The following DCTN2 variants were observed in gnomAD, a reference collection of about 807,000 sequenced individuals.
DCTN2 encodes the protein dynactin subunit 2.
Under a neutral mutation model 55.4 loss-of-function variants are expected in DCTN2, and 18 were observed. The observed-to-expected ratio is 0.32, with a 90% CI of 0.22 to 0.48. The LOEUF is 0.48. DCTN2 is among the 20% of genes least tolerant of loss of function. The pLI, the probability that DCTN2 is intolerant of heterozygous loss-of-function variation, is 0.99. For synonymous variants in DCTN2, 168 were observed against 185.2 expected (o/e 0.91, Z 0.76); for missense variants, 390 against 491.0 (o/e 0.79, Z 1.94).
intron 13 of DCTN2, 108 bp downstream of exon 13, chr12:57,531,907 G>C (rs2140114786): frequency 2.0e-6 from 3 of 1,495,220 alleles, no homozygotes; most frequent in African/African-American, 2.8e-5. Context: ...CCAACCCCCT[G>C]CCACAACACC....
chr12:57,532,563 C>T lies in DCTN2; in HGVS notation c.924+9G>A. The T allele has an allele frequency of 6.2e-7, 1 of 1,613,932 alleles. No homozygotes were observed. Among genetic ancestry groups the T allele is most frequent in the Non-Finnish European group, 8.5e-7 (1 of 1,179,858 alleles). Reference sequence around the variant, plus strand: ...AGTGGAAAGGAGATGGGGAAGGTGTCTTCCTGACCTTGCTTTGTGTATCTG... The same window carrying T: ...AGTGGAAAGGAGATGGGGAAGGTGTTTTCCTGACCTTGCTTTGTGTATCTG... On this transcript the variant is annotated intron_variant, in intron 11 of 13. Coordinates refer to ENST00000548249, the MANE Select transcript of DCTN2 (RefSeq NM_001261413.2).
At position 57,543,913 on chromosome 12, in the gene DCTN2, G is replaced by C. The variant is rs1271383472; in HGVS notation, c.105+2115C>G. The stretch of plus-strand genomic sequence containing the variant: ...AATAGGCTGTTCAGGCTCTGGGGGA[G>C]AAACAGCCAATCAGAGCTGCACAGT... On this transcript the variant is annotated intron_variant, in intron 2 of 13. Coordinates refer to ENST00000548249, the MANE Select transcript of DCTN2 (RefSeq NM_001261413.2). 7 of 961,260 alleles carry C rather than the reference G, an allele frequency of 7.3e-6. No individual in the cohort carries two copies. The East Asian group carries it at 4.2e-4, about 58-fold the overall frequency. The allele number at this position is 961,260 out of a possible 1,614,324, so 59.5% of individuals were successfully genotyped here.
Position 57,537,560 on chromosome 12 carries a change from T to G in DCTN2, c.106-1715A>C, listed in dbSNP as rs144669046. On this transcript the variant is annotated intron_variant, in intron 2 of 13. Coordinates refer to ENST00000548249, the MANE Select transcript of DCTN2 (RefSeq NM_001261413.2). ...GAAAGAAAAGCAGATAGAAGGAAGC[T>G]CCTTCCTTCATCTCTGCTCTGCTAT... Among the ~76,000 whole-genome samples, 13 of 151,890 alleles carry G rather than the reference T, an allele frequency of 8.6e-5. No individual in the cohort carries two copies. The East Asian group carries it at 2.5e-3, about 29-fold the overall frequency.
At chr12:57,533,696 G>A (rs529489565) in intron 7 of DCTN2, among the ~76,000 whole-genome samples, 3 of 151,854 alleles carry the variant, frequency 2.0e-5, no homozygotes, top group East Asian at 1.9e-4. Context: ...GCGTGAACCC[G>A]GGAGGCGGAG....
At chr12:57,534,588 A>G in intron 5 of DCTN2, 136 bp from the exon 6 acceptor site, 2 of 794,686 alleles carry the variant, frequency 2.5e-6, no homozygotes, top group Non-Finnish European at 3.9e-6. Flanking sequence ...GCCCACCTGT[A>G]TGTAGCACTG....
Position 57,532,965 on chromosome 12 carries a change from C to G in DCTN2, c.774+19G>C. 1 of 1,600,422 alleles carries G rather than the reference C, an allele frequency of 6.2e-7. No homozygotes were observed. Among genetic ancestry groups the G allele is most frequent in the Non-Finnish European group, 8.5e-7 (1 of 1,173,660 alleles). The stretch of plus-strand genomic sequence containing the variant: ...TATCCCCTCTGTGATCCAAACACTC[C>G]AGTTTCTTCCAAACTCACCATGAGA... On this transcript the variant is annotated intron_variant, in intron 9 of 13. Coordinates refer to ENST00000548249, the MANE Select transcript of DCTN2 (RefSeq NM_001261413.2).
intron 1 of DCTN2, 42 bp downstream of exon 1, chr12:57,546,985 CG>C: frequency 4.7e-6 from 6 of 1,265,470 alleles, no homozygotes; most frequent in South Asian, 7.2e-5. Flanking sequence ...CTTGGGAGGT[CG>C]GGGGCGCGGT....
At chr12:57,535,617 A>G in intron 3 of DCTN2, 72 bp from the exon 4 acceptor site, 1 of 1,563,782 alleles carries the variant, frequency 6.4e-7, no homozygotes, top group Non-Finnish European at 8.8e-7. Flanking sequence ...GGTGACTGTG[A>G]GGGCTTCCAT....
chr12:57,537,152 A>G (rs536833677), intron 2 of DCTN2, among the ~76,000 whole-genome samples: 1 of 151,312 alleles, frequency 6.6e-6, no homozygotes, highest in South Asian at 2.1e-4. Flanking sequence ...CCTGGGCAAC[A>G]TAGGGAAACC....
At chr12:57,536,743 T>C (rs892675339) in intron 2 of DCTN2, among the ~76,000 whole-genome samples, 1 of 152,046 alleles carries the variant, frequency 6.6e-6, no homozygotes, top group Non-Finnish European at 1.5e-5. Context: ...ATCTACATGC[T>C]GTTCAGATTC....
chr12:57,531,885 G>A, intron 13 of DCTN2, 130 bp downstream of exon 13: 1 of 1,306,328 alleles, frequency 7.7e-7, no homozygotes. Flanking sequence ...AAAGCAGGAT[G>A]GAGACTCCAG....
chr12:57,536,302 CCACTAA>C (rs1233454358), intron 2 of DCTN2, among the ~76,000 whole-genome samples: 2 of 152,208 alleles, frequency 1.3e-5, no homozygotes, highest in Non-Finnish European at 2.9e-5. Context: ...GATAATCAGG[CCACTAA>C]CACTGAGTGT....
intron 7 of DCTN2, 67 bp from the exon 8 acceptor site, chr12:57,533,370 C>A (rs1879920409): frequency 2.8e-6 from 4 of 1,426,910 alleles, no homozygotes; most frequent in Non-Finnish European, 4.0e-6. Flanking sequence ...GGAATACGAT[C>A]CTGCTCTACT....
chr12:57,530,170 T>G lies in DCTN2; in HGVS notation c.*519A>C, dbSNP rs1879512070. On this transcript the variant is annotated 3_prime_UTR_variant, in exon 14 of 14. Transcript: ENST00000548249. ...TCTGGCTCTGGCTCTGTACTCATTT[T>G]TTATTTAGTTCTTTGGTAAGAACAG... is the stretch of plus-strand genomic sequence containing the variant. 1 of 152,560 alleles carries G rather than the reference T, an allele frequency of 6.6e-6. No homozygotes were observed. The highest frequency in any genetic ancestry group is 1.5e-5 in the Non-Finnish European group (1 of 68,130). 9.5% of individuals were successfully genotyped at this position (152,560 alleles called of 1,614,324 possible). A position where few individuals can be genotyped will look rare whatever the true frequency, so the allele number is the denominator to read the frequency against.
At position 57,533,946 on chromosome 12, in the gene DCTN2, C is replaced by T. The variant is rs1256824830; in HGVS notation, c.669+7G>A. 6.2e-7 allele frequency: 1 copy of T among 1,603,676 alleles called. No homozygotes were observed. Among genetic ancestry groups the T allele is most frequent in the Non-Finnish European group, 8.5e-7 (1 of 1,174,784 alleles). ...GGCTTCCCAACCAACACTGTATCCA[C>T]ACTTACTTTGGCAGCTTGAGAGAAC... On this transcript the variant is annotated splice_region_variant and intron_variant, in intron 7 of 13. Coordinates refer to ENST00000548249, the MANE Select transcript of DCTN2 (RefSeq NM_001261413.2).
At chr12:57,540,426 C>T (rs1880602850) in intron 2 of DCTN2, among the ~76,000 whole-genome samples, 1 of 152,202 alleles carries the variant, frequency 6.6e-6, no homozygotes, top group South Asian at 2.1e-4. Context: ...GGCATGATTC[C>T]TGCATAACCT....
At chr12:57,532,697 A>G (rs542297132) in intron 10 of DCTN2, 36 bp downstream of exon 10, 3 of 1,613,858 alleles carry the variant, frequency 1.9e-6, no homozygotes, top group South Asian at 2.2e-5. Flanking sequence ...CAGAGTCCCA[A>G]GCTATCCATA....
chr12:57,536,489 T>C (rs970779435), intron 2 of DCTN2, among the ~76,000 whole-genome samples: 3 of 152,176 alleles, frequency 2.0e-5, no homozygotes, highest in African/African-American at 7.2e-5. Flanking sequence ...TGGGACATCT[T>C]AGAAGCAACA....
At chr12:57,544,483 C>T (rs1253225205) in intron 2 of DCTN2, among the ~76,000 whole-genome samples, 4 of 148,976 alleles carry the variant, frequency 2.7e-5, no homozygotes, top group African/African-American at 9.9e-5. Flanking sequence ...GGCGCAATCT[C>T]GGCTCACTGC....
Sources: allele counts gnomAD v4.1 joint callset (sites outside exome capture counted in the v4.1 genomes callset), GRCh38; gene constraint gnomAD v4.1.1; transcripts MANE v1.5; gene names NCBI Gene and HGNC (gene_info 2026-07-23, HGNC 2026-07-21).